GRID1: variants seen among roughly 807,000 people sequenced by gnomAD.
The protein encoded by GRID1 is glutamate ionotropic receptor delta type subunit 1.
GRID1 carries 28 observed loss-of-function variants against 98.0 expected under a neutral mutation model. That is an observed-to-expected ratio of 0.29 (90% CI 0.21 to 0.39). GRID1 has a LOEUF of 0.39. Among genes scored for constraint, GRID1 ranks in the 10% least tolerant of loss-of-function variants. GRID1 has a pLI of 1.00. For missense variants in GRID1, 1,111 were observed against 1,340.5 expected (o/e 0.83, Z 2.67); for synonymous variants, 553 against 538.5 (o/e 1.03, Z -0.37).
chr10:86,290,638 G>A (rs908310145), intron 2 of GRID1, among the ~76,000 whole-genome samples: 5 of 146,212 alleles, frequency 3.4e-5, no homozygotes, highest in Non-Finnish European at 6.0e-5. Context: ...GGGCAACAGA[G>A]CAAGACTCTG....
intron 12 of GRID1, among the ~76,000 whole-genome samples, chr10:85,710,164 CA>C (rs1245477525): frequency 7.2e-5 from 11 of 151,832 alleles, no homozygotes; most frequent in African/African-American, 2.7e-4. Flanking sequence ...CCCAAATAGC[CA>C]AAACGTCTTG....
At position 85,693,231 on chromosome 10, in the gene GRID1, T is replaced by G. The variant is rs191334604; in HGVS notation, c.1997+29772A>C. Among the ~76,000 whole-genome samples the G allele has an allele frequency of 2.4e-3, 360 of 152,028 alleles. 3 individuals are homozygous for G. The highest frequency in any genetic ancestry group is 3.4e-3 in the Middle Eastern group (1 of 290). The stretch of plus-strand genomic sequence containing the variant: ...GAATGGATAGACTCTATTAACAGAG[T>G]AGTTCTGGGGTGTATGGAGCAAGTG... On this transcript the variant is annotated intron_variant, in intron 12 of 15. Transcript: ENST00000327946.
chr10:86,263,480 G>A (rs17106485), intron 2 of GRID1, among the ~76,000 whole-genome samples: 10,583 of 152,258 alleles, frequency 0.07, 1,048 homozygotes, highest in African/African-American at 0.23. Context: ...CAAGTCACGT[G>A]GGCGCCGTGG....
At chr10:85,986,776 A>C (rs948648255) in intron 4 of GRID1, among the ~76,000 whole-genome samples, 2 of 152,212 alleles carry the variant, frequency 1.3e-5, no homozygotes, top group African/African-American at 4.8e-5. Flanking sequence ...CTCTAGTTCC[A>C]AAGAATGGTT....
chr10:85,937,752 G>A (rs562757392), intron 4 of GRID1, among the ~76,000 whole-genome samples: 1 of 152,290 alleles, frequency 6.6e-6, no homozygotes, highest in African/African-American at 2.4e-5. Context: ...CAAAACTTGA[G>A]GTGAGGGGGT....
chr10:86,130,049 C>T (rs1175399369), intron 4 of GRID1, among the ~76,000 whole-genome samples: 1 of 152,284 alleles, frequency 6.6e-6, no homozygotes, highest in Non-Finnish European at 1.5e-5. Flanking sequence ...CTCATCACCC[C>T]AGCTTACAGC....
intron 12 of GRID1, among the ~76,000 whole-genome samples, chr10:85,718,510 G>A (rs1841664703): frequency 6.6e-6 from 1 of 152,248 alleles, no homozygotes; most frequent in African/African-American, 2.4e-5. Context: ...TGAAATCTAG[G>A]CAGAGGTTCC....
chr10:86,204,826 C>T (rs1480215056), intron 3 of GRID1, among the ~76,000 whole-genome samples: 1 of 152,178 alleles, frequency 6.6e-6, no homozygotes, highest in East Asian at 1.9e-4. Flanking sequence ...TGGCAGTGTC[C>T]ATGCCTCTCC....
intron 2 of GRID1, among the ~76,000 whole-genome samples, chr10:86,344,483 G>C (rs764076657): frequency 1.3e-5 from 2 of 152,144 alleles, no homozygotes; most frequent in Non-Finnish European, 2.9e-5. Context: ...CCCCACACTG[G>C]ACCAGAAGCT....
intron 8 of GRID1, among the ~76,000 whole-genome samples, chr10:85,766,130 G>A (rs1351527541): frequency 1.3e-5 from 2 of 152,204 alleles, no homozygotes; most frequent in Non-Finnish European, 2.9e-5. Flanking sequence ...TAAGAAGCCA[G>A]CCATGGAAAA....
rs149526592 is a variant in GRID1 at position 86,168,355 on chromosome 10, C to T, written c.521-29331G>A. Among the ~76,000 whole-genome samples, 457 of 152,294 alleles carry T rather than the reference C, an allele frequency of 3.0e-3. 2 individuals are homozygous for T. The highest frequency in any genetic ancestry group is 0.011 in the African/African-American group (438 of 41,564). On this transcript the variant is annotated intron_variant, in intron 3 of 15. Coordinates refer to ENST00000327946, the MANE Select transcript of GRID1 (RefSeq NM_017551.3). The stretch of plus-strand genomic sequence containing the variant: ...CCGAGGAGACAATGCAGGCAAGGGG[C>T]GTGACCCCAGGCTGGGAAAAGTGAA...
At chr10:86,190,714 TAGA>T (rs147555177) in intron 3 of GRID1, among the ~76,000 whole-genome samples, 23 of 152,354 alleles carry the variant, frequency 1.5e-4, no homozygotes, top group African/African-American at 5.3e-4. Context: ...CATGCCAACT[TAGA>T]AGAAAAGAGT....
At chr10:85,608,864 C>T (rs1232636312) in intron 15 of GRID1, among the ~76,000 whole-genome samples, 1 of 152,182 alleles carries the variant, frequency 6.6e-6, no homozygotes, top group African/African-American at 2.4e-5. Flanking sequence ...AACATGCACA[C>T]TCACTATTCT....
intron 4 of GRID1, among the ~76,000 whole-genome samples, chr10:85,942,071 G>A (rs1842003190): frequency 6.6e-6 from 1 of 152,120 alleles, no homozygotes; most frequent in African/African-American, 2.4e-5. Context: ...CCAACTAATG[G>A]ACTCTTAGAT....
intron 4 of GRID1, among the ~76,000 whole-genome samples, chr10:86,072,915 T>C (rs1843824617): frequency 6.6e-6 from 1 of 152,268 alleles, no homozygotes; most frequent in Non-Finnish European, 1.5e-5. Flanking sequence ...TTTTTAATTC[T>C]GTTATGTCAT....
intron 3 of GRID1, among the ~76,000 whole-genome samples, chr10:86,166,716 C>T (rs1845404471): frequency 6.6e-6 from 1 of 152,218 alleles, no homozygotes; most frequent in South Asian, 2.1e-4. Flanking sequence ...TCCATCTCTG[C>T]TTTCTCAAAT....
chr10:85,894,334 C>T (rs1268412580), intron 5 of GRID1, among the ~76,000 whole-genome samples: 1 of 152,148 alleles, frequency 6.6e-6, no homozygotes, highest in Non-Finnish European at 1.5e-5. Flanking sequence ...ATATACACAA[C>T]AACATGCGTG....
At chr10:85,764,950 C>A (rs1239416879) in intron 8 of GRID1, among the ~76,000 whole-genome samples, 1 of 151,916 alleles carries the variant, frequency 6.6e-6, no homozygotes, top group East Asian at 1.9e-4. Flanking sequence ...TTTCTTTGCC[C>A]CAAAGAGGAC....
At chr10:86,006,507 A>C (rs10887546) in intron 4 of GRID1, among the ~76,000 whole-genome samples, 51,621 of 151,902 alleles carry the variant, frequency 0.34, 9,533 homozygotes, top group South Asian at 0.51. Flanking sequence ...AGTCCCAGCT[A>C]CTCAGCAGGC....
Sources: gnomAD v4.1 joint callset for allele counts (sites outside exome capture counted in the v4.1 genomes callset) on GRCh38, gnomAD v4.1.1 for gene constraint, MANE v1.5 for transcripts, NCBI Gene and HGNC (gene_info 2026-07-23, HGNC 2026-07-21) for gene names.